The following MTG1 variants were observed in gnomAD, a reference collection of about 807,000 sequenced individuals.
MTG1 encodes mitochondrial ribosome associated GTPase 1, also known as mitochondrial ribosome-associated GTPase 1.
In MTG1, 30 loss-of-function variants were observed where a neutral mutation model predicts 39.5. The observed-to-expected ratio is 0.76, with a 90% CI of 0.57 to 1.03. The LOEUF is 1.03. Among genes scored for constraint, MTG1 ranks in the 50% least tolerant of loss-of-function variants. MTG1 has a pLI of 0.00. For missense variants in MTG1, 513 were observed against 447.4 expected (o/e 1.15, Z -1.32); for synonymous variants, 217 against 179.0 (o/e 1.21, Z -1.69).
chr10:133,402,446 C>T lies in MTG1; in HGVS notation c.670+201C>T, dbSNP rs1849896515. On this transcript the variant is annotated intron_variant, in intron 8 of 10. Transcript: ENST00000317502. This position sits in a 1 kb window ranked among gnomAD's most constrained non-coding sequence, Gnocchi z 4.7. ...GCACTGGTCACCATTCCACCCTGCC[C>T]CATGAGTGGCCTTCCCTTTCCCCAT... 5 of 699,650 alleles carry T rather than the reference C, an allele frequency of 7.1e-6. No homozygotes were observed. The highest frequency in any genetic ancestry group is 1.8e-5 in the African/African-American group (1 of 56,330). 43.3% of individuals were successfully genotyped at this position (699,650 alleles called of 1,614,324 possible).
At position 133,399,210 on chromosome 10, in the gene MTG1, G is replaced by A. The variant is rs540025351; in HGVS notation, c.404G>A (p.Arg135His). The change falls in exon 5 of 11, where the codon CGC (arginine) becomes CAC (histidine). Residue 135 changes from arginine (R) to histidine (H), a missense_variant. Arg to His is a conservative substitution (Grantham distance 29, BLOSUM62 0). Transcript: ENST00000317502. ...MVTELIGRSH[R>H]YHRKENLEYC... ...ACTGAACTGATTGGGAGAAGCCACC[G>A]CTACCACCGAAAAGAGGTTGGTTGG... is the stretch of plus-strand genomic sequence containing the variant. 3.7e-5 allele frequency: 59 copies of A among 1,614,086 alleles called. 1 individual carries two copies. In the South Asian group the frequency reaches 5.3e-4, roughly 14 times the overall value.
At position 133,399,517 on chromosome 10, in the gene MTG1, C is replaced by T. The variant is rs1286534365; in HGVS notation, c.421-12C>T. 1.9e-6 allele frequency: 3 copies of T among 1,613,716 alleles called. No individual in the cohort carries two copies. The highest frequency in any genetic ancestry group is 1.3e-5 in the African/African-American group (1 of 75,060). ...ACGGTGGGCCCTGTGACCCCTCTCT[C>T]TGCCTGCGCAGAACCTGGAGTACTG... On this transcript the variant is annotated splice_polypyrimidine_tract_variant and intron_variant, in intron 5 of 10. Transcript: ENST00000317502.
At chr10:133,419,415 C>A in intron 9 of MTG1, 65 bp from the exon 10 acceptor site, 1 of 1,413,676 alleles carries the variant, frequency 7.1e-7, no homozygotes, top group Non-Finnish European at 9.7e-7. Flanking sequence ...AGGAAGGGCC[C>A]GGCCTGGCTG....
intron 4 of MTG1, 151 bp downstream of exon 4, chr10:133,398,666 G>A (rs1449471230): frequency 3.6e-6 from 3 of 835,318 alleles, no homozygotes; most frequent in East Asian, 5.4e-5. Flanking sequence ...CGATCTCCTG[G>A]GGCAAGTGGG....
intron 7 of MTG1, 70 bp downstream of exon 7, chr10:133,401,660 CTGTG>C: frequency 6.7e-7 from 1 of 1,488,390 alleles, no homozygotes; most frequent in South Asian, 1.1e-5. Flanking sequence ...CTGCCGACCT[CTGTG>C]TGGCTTCCGG....
At chr10:133,396,125 G>A (rs1849779605) in intron 2 of MTG1, 38 bp from the exon 3 acceptor site, 3 of 1,600,192 alleles carry the variant, frequency 1.9e-6, no homozygotes, top group African/African-American at 1.3e-5. Flanking sequence ...TGGTTGGCTG[G>A]TAAAGCTTTG....
At position 133,402,134 on chromosome 10, in the gene MTG1, T is replaced by G; in HGVS notation, c.574-15T>G. ...CTGCCACCGCGGCCTGATCATGCCC[T>G]CTGTGCCCACACAGGTCTCTGAGCG... On this transcript the variant is annotated splice_polypyrimidine_tract_variant and intron_variant, in intron 7 of 10. Coordinates refer to ENST00000317502, the MANE Select transcript of MTG1 (RefSeq NM_138384.4). The surrounding 1 kb of genome is among the most constrained non-coding windows in gnomAD (Gnocchi z 4.7). 1 of 1,613,954 alleles carries G rather than the reference T, an allele frequency of 6.2e-7. No individual in the cohort carries two copies. Among genetic ancestry groups the G allele is most frequent in the Non-Finnish European group, 8.5e-7 (1 of 1,179,960 alleles).
intron 9 of MTG1, among the ~76,000 whole-genome samples, chr10:133,415,026 C>T (rs902667186): frequency 5.9e-5 from 9 of 152,194 alleles, no homozygotes; most frequent in African/African-American, 1.4e-4. Flanking sequence ...ACCAGTCAGG[C>T]GTGGTGGCGC....
Position 133,402,096 on chromosome 10 carries a change from C to T in MTG1, c.574-53C>T. 2 of 1,610,364 alleles carry T rather than the reference C, an allele frequency of 1.2e-6. No individual in the cohort carries two copies. The highest frequency in any genetic ancestry group is 1.1e-5 in the South Asian group (1 of 91,038). Reference sequence around the variant, plus strand: ...CTGCCCAGGCTTCCTGAGTGGCCCACCTGGGTGGGAGGCTGCCACCGCGGC... The same window carrying T: ...CTGCCCAGGCTTCCTGAGTGGCCCATCTGGGTGGGAGGCTGCCACCGCGGC... On this transcript the variant is annotated intron_variant, in intron 7 of 10. Transcript: ENST00000317502. The surrounding 1 kb of genome is among the most constrained non-coding windows in gnomAD (Gnocchi z 4.7).
chr10:133,404,639 C>A (rs1489921763), intron 9 of MTG1, among the ~76,000 whole-genome samples: 1 of 152,116 alleles, frequency 6.6e-6, no homozygotes, highest in East Asian at 1.9e-4. Flanking sequence ...AAACCAGGGT[C>A]ACAAGGGTTT....
At chr10:133,412,293 T>C (rs1209702226) in intron 9 of MTG1, among the ~76,000 whole-genome samples, 1 of 152,232 alleles carries the variant, frequency 6.6e-6, no homozygotes, top group African/African-American at 2.4e-5. Flanking sequence ...TTCGCTATTT[T>C]TGATACTATT....
chr10:133,395,939 A>G (rs532967911), intron 2 of MTG1, among the ~76,000 whole-genome samples, 162 bp downstream of exon 2: 3 of 152,310 alleles, frequency 2.0e-5, no homozygotes, highest in East Asian at 3.9e-4. Flanking sequence ...TTGAAACTTC[A>G]TTGTTAATAC....
At position 133,402,807 on chromosome 10, in the gene MTG1, C is replaced by T; in HGVS notation, c.752+34C>T. The T allele has an allele frequency of 6.7e-7, 1 of 1,500,240 alleles. No individual in the cohort carries two copies. 92.9% of individuals were successfully genotyped at this position (1,500,240 alleles called of 1,614,324 possible). A position where few individuals can be genotyped will look rare whatever the true frequency, so the allele number is the denominator to read the frequency against. On this transcript the variant is annotated intron_variant, in intron 9 of 10. Coordinates refer to ENST00000317502, the MANE Select transcript of MTG1 (RefSeq NM_138384.4). The surrounding 1 kb of genome is among the most constrained non-coding windows in gnomAD (Gnocchi z 4.7). Reference sequence around the variant, plus strand: ...AGTGAATGCAGGGCAGCTGGGGCCCCTCCTCCTAGTCACCTCATTTAAAAA... The same window carrying T: ...AGTGAATGCAGGGCAGCTGGGGCCCTTCCTCCTAGTCACCTCATTTAAAAA...
At position 133,420,126 on chromosome 10, in the gene MTG1, C is replaced by T. The variant is rs781011211; in HGVS notation, c.966C>T (p.Asp322=). The T allele has an allele frequency of 3.0e-5, 48 of 1,612,994 alleles. No homozygotes were observed. Among genetic ancestry groups the T allele is most frequent in the African/African-American group, 2.1e-4 (16 of 74,930 alleles). ...TGGGTTCCGTGATGCTGGACCTCGA[C>T]GTCCTGCGGGGCCACCCCCCGGCTG... ...GLLGSVMLDL[D]VLRGHPPAET... The change falls in exon 11 of 11, where the codon GAC becomes GAT. Residue 322 remains aspartate (D), a synonymous_variant. Coordinates refer to ENST00000317502, the MANE Select transcript of MTG1 (RefSeq NM_138384.4).
chr10:133,400,649 A>AT (rs1358596702), intron 6 of MTG1, among the ~76,000 whole-genome samples: 2 of 152,062 alleles, frequency 1.3e-5, no homozygotes, highest in Non-Finnish European at 2.9e-5. Context: ...TAAGCGTATT[A>AT]TTTTTTATCA....
Position 133,420,167 on chromosome 10 carries a change from C to G in MTG1, c.*2C>G, listed in dbSNP as rs1401252916. On this transcript the variant is annotated 3_prime_UTR_variant, in exon 11 of 11. Transcript: ENST00000317502. ...CCCCCGGCTGAGACTTTGCCCTGAA[C>G]TTGTCCGGGTAGGGAGGGCCGGAGG... is the stretch of plus-strand genomic sequence containing the variant. 1.2e-6 allele frequency: 2 copies of G among 1,607,338 alleles called. No homozygotes were observed. Among genetic ancestry groups the G allele is most frequent in the Non-Finnish European group, 1.7e-6 (2 of 1,176,748 alleles).
intron 9 of MTG1, among the ~76,000 whole-genome samples, chr10:133,409,802 C>T (rs547583339): frequency 2.6e-5 from 4 of 151,908 alleles, no homozygotes; most frequent in Admixed American, 1.3e-4. Flanking sequence ...TACAGTCTGA[C>T]CTGTAGTCTA....
Position 133,402,437 on chromosome 10 carries a change from C to T in MTG1, c.670+192C>T, listed in dbSNP as rs1849896438. 1 of 715,390 alleles carries T rather than the reference C, an allele frequency of 1.4e-6. No individual in the cohort carries two copies. Among genetic ancestry groups the T allele is most frequent in the East Asian group, 2.7e-5 (1 of 37,024 alleles). 44.3% of individuals were successfully genotyped at this position (715,390 alleles called of 1,614,324 possible). A position where few individuals can be genotyped will look rare whatever the true frequency, so the allele number is the denominator to read the frequency against. On this transcript the variant is annotated intron_variant, in intron 8 of 10. Transcript: ENST00000317502. The surrounding 1 kb of genome is among the most constrained non-coding windows in gnomAD (Gnocchi z 4.7). The stretch of plus-strand genomic sequence containing the variant: ...AGCTGACAGGCACTGGTCACCATTC[C>T]ACCCTGCCCCATGAGTGGCCTTCCC...
At chr10:133,401,040 G>T (rs999241536) in intron 6 of MTG1, among the ~76,000 whole-genome samples, 6 of 152,218 alleles carry the variant, frequency 3.9e-5, no homozygotes, top group African/African-American at 1.4e-4. Context: ...CAGTGGAGTG[G>T]CCTCCTTGGG....
Sources: gnomAD v4.1 joint callset for allele counts (sites outside exome capture counted in the v4.1 genomes callset) on GRCh38, gnomAD v4.1.1 for gene constraint, Gnocchi (gnomAD v3.1) non-coding constraint, MANE v1.5 for transcripts, NCBI Gene and HGNC (gene_info 2026-07-23, HGNC 2026-07-21) for gene names.